The following VCP variants were observed in gnomAD, a reference collection of about 807,000 sequenced individuals.
The protein encoded by VCP is valosin containing protein.
A neutral mutation model predicts 85.7 loss-of-function variants in VCP; 6 were observed. The ratio of observed to expected loss-of-function variants is 0.07; its 90% CI spans 0.04 to 0.14. The LOEUF (loss-of-function observed/expected upper bound fraction) is 0.14, where lower values mean the gene tolerates loss of function less well. VCP is among the 10% of genes least tolerant of loss of function. The pLI, the probability that VCP is intolerant of heterozygous loss-of-function variation, is 1.00. For synonymous variants in VCP, 384 were observed against 367.1 expected (o/e 1.05, Z -0.53); for missense variants, 353 against 1,043.4 (o/e 0.34, Z 9.12).
chr9:35,068,128 G>A, intron 2 of VCP, 65 bp from the exon 3 acceptor site: 1 of 1,611,378 alleles, frequency 6.2e-7, no homozygotes. Flanking sequence ...CAGCCCTGGA[G>A]ATTGGGATTC....
intron 3 of VCP, 139 bp from the exon 4 acceptor site, chr9:35,066,956 G>T: frequency 1.5e-6 from 2 of 1,376,152 alleles, no homozygotes; most frequent in East Asian, 2.3e-5. Context: ...AGAGGAAGGA[G>T]AACAGGGTGG....
In VCP at chr9:35,060,646, TAGA is replaced by T. The variant is rs768235393; in HGVS notation, c.1483-124_1483-122del. The stretch of plus-strand genomic sequence containing the variant: ...CCAATGGTATCAGATCCAGGTTCTC[TAGA>T]AGAAGACTCCTTAGTGCCTCAAACC... On this transcript the variant is annotated intron_variant, in intron 12 of 16. Coordinates refer to ENST00000358901, the MANE Select transcript of VCP (RefSeq NM_007126.5). 242 of 1,525,774 alleles carry T rather than the reference TAGA, an allele frequency of 1.6e-4. 3 individuals are homozygous for T. The South Asian group carries it at 1.8e-3, about 12-fold the overall frequency. The allele number at this position is 1,525,774 out of a possible 1,614,324, so 94.5% of individuals were successfully genotyped here. A position where few individuals can be genotyped will look rare whatever the true frequency, so the allele number is the denominator to read the frequency against.
chr9:35,064,917 G>A (rs1380534511), intron 5 of VCP, among the ~76,000 whole-genome samples: 1 of 152,098 alleles, frequency 6.6e-6, no homozygotes, highest in Non-Finnish European at 1.5e-5. Context: ...ACCCAGGCTG[G>A]AGTGCAGTGG....
intron 7 of VCP, among the ~76,000 whole-genome samples, chr9:35,062,595 C>T (rs1028697388): frequency 6.6e-6 from 1 of 152,158 alleles, no homozygotes; most frequent in Non-Finnish European, 1.5e-5. Context: ...AGCAAATGCT[C>T]TAGGACCTCT....
chr9:35,065,150 C>G, intron 5 of VCP, 101 bp downstream of exon 5: 1 of 1,566,504 alleles, frequency 6.4e-7, no homozygotes, highest in Non-Finnish European at 8.7e-7. Context: ...TTACAGGTGT[C>G]AGCCACCGCA....
In VCP at chr9:35,060,268, T is replaced by C. The variant is rs376427063; in HGVS notation, c.1695+45A>G. ...TTAAAGAAAAACAGCCTCTATTCCT[T>C]GCCCTCAGGCAAATCAATACATAGT... On this transcript the variant is annotated intron_variant, in intron 13 of 16. Transcript: ENST00000358901. The C allele has an allele frequency of 2.2e-5, 36 of 1,601,660 alleles. No individual in the cohort carries two copies. The Middle Eastern group carries it at 1.2e-3, about 52-fold the overall frequency.
Position 35,057,111 on chromosome 9 carries a change from C to G in VCP, c.*6G>C. 1 of 1,613,978 alleles carries G rather than the reference C, an allele frequency of 6.2e-7. No individual in the cohort carries two copies. Among genetic ancestry groups the G allele is most frequent in the Non-Finnish European group, 8.5e-7 (1 of 1,179,968 alleles). On this transcript the variant is annotated 3_prime_UTR_variant, in exon 17 of 17. Coordinates refer to ENST00000358901, the MANE Select transcript of VCP (RefSeq NM_007126.5). Reference sequence around the variant, plus strand: ...GGCCAGCTCACTGCACGCTGGCCACCACCACTTAGCCATACAGGTCATCAT... The same window carrying G: ...GGCCAGCTCACTGCACGCTGGCCACGACCACTTAGCCATACAGGTCATCAT...
intron 7 of VCP, among the ~76,000 whole-genome samples, chr9:35,062,747 C>T (rs761952757): frequency 1.3e-5 from 2 of 152,140 alleles, no homozygotes; most frequent in African/African-American, 2.4e-5. Context: ...AGCTTGCTCC[C>T]GCTCTGCAGT....
intron 7 of VCP, among the ~76,000 whole-genome samples, chr9:35,062,566 G>A (rs576140588): frequency 2.0e-5 from 3 of 152,158 alleles, no homozygotes; most frequent in Non-Finnish European, 4.4e-5. Flanking sequence ...TCTTCTCACA[G>A]TTGAACTGTA....
chr9:35,066,873 G>C (rs1587129031), intron 3 of VCP, 56 bp from the exon 4 acceptor site: 2 of 1,612,794 alleles, frequency 1.2e-6, no homozygotes, highest in Non-Finnish European at 1.7e-6. Flanking sequence ...CCAAGCACTG[G>C]GTGTCCAAAA....
chr9:35,068,745 T>C (rs1243851455), intron 1 of VCP, among the ~76,000 whole-genome samples: 1 of 152,162 alleles, frequency 6.6e-6, no homozygotes, highest in African/African-American at 2.4e-5. Flanking sequence ...TCAGACCCAT[T>C]GGGTCTGAAT....
Position 35,056,698 on chromosome 9 carries a change from C to G in VCP, c.*419G>C. The G allele has an allele frequency of 3.9e-6, 1 of 256,700 alleles. No individual in the cohort carries two copies. The highest frequency in any genetic ancestry group is 4.8e-5 in the South Asian group (1 of 20,772). 15.9% of individuals were successfully genotyped at this position (256,700 alleles called of 1,614,324 possible). A position where few individuals can be genotyped will look rare whatever the true frequency, so the allele number is the denominator to read the frequency against. ...ACCTACTCTCTATATAAACATCCAG[C>G]AACTGTGGCCCCTACCCACCTACCC... On this transcript the variant is annotated 3_prime_UTR_variant, in exon 17 of 17. Coordinates refer to ENST00000358901, the MANE Select transcript of VCP (RefSeq NM_007126.5).
At chr9:35,057,745 A>C in intron 15 of VCP, 1 of 635,320 alleles carries the variant, frequency 1.6e-6, no homozygotes, top group Non-Finnish European at 2.8e-6. Context: ...CAGAAATCAC[A>C]TCAGTGATGG....
In VCP at chr9:35,062,130, G is replaced by A. The variant is rs377316335; in HGVS notation, c.954C>T (p.Gly318=). ...AIAPKREKTH[G]EVERRIVSQL... is the part of the protein sequence containing the mutation. ...GTGATACAATGCGCCGCTCCACCTC[G>A]CCATGAGTCTGCCAGAACAGGATGT... The change falls in exon 9 of 17, where the codon GGC becomes GGT. Residue 318 remains glycine (G), a synonymous_variant. Transcript: ENST00000358901. The A allele has an allele frequency of 4.4e-5, 71 of 1,613,972 alleles. No individual in the cohort carries two copies. In the African/African-American group the frequency reaches 6.1e-4, roughly 14 times the overall value.
rs1039785470 is a variant in VCP, at chr9:35,059,858, C to T, written c.1696-57G>A. The T allele has an allele frequency of 9.2e-5, 148 of 1,610,056 alleles. No individual in the cohort carries two copies. The highest frequency in any genetic ancestry group is 1.7e-4 in the Middle Eastern group (1 of 6,020). On this transcript the variant is annotated intron_variant, in intron 13 of 16. Coordinates refer to ENST00000358901, the MANE Select transcript of VCP (RefSeq NM_007126.5). The surrounding 1 kb of genome is among the most constrained non-coding windows in gnomAD (Gnocchi z 4.9). ...ACAAAACTAGATGTCTCTAGGCAAA[C>T]GTGGTGGCTCACACCTGTATTCCCA...
intron 1 of VCP, among the ~76,000 whole-genome samples, chr9:35,069,719 T>G (rs1045127769): frequency 3.9e-5 from 6 of 152,210 alleles, no homozygotes; most frequent in African/African-American, 1.4e-4. Flanking sequence ...CCCAAAGTAC[T>G]GGGATTACAG....
chr9:35,070,961 T>C (rs1378804479), intron 1 of VCP, among the ~76,000 whole-genome samples: 1 of 152,192 alleles, frequency 6.6e-6, no homozygotes, highest in East Asian at 1.9e-4. Flanking sequence ...AATCCTCCAT[T>C]GTCTTCTGTA....
chr9:35,071,991 C>A, intron 1 of VCP: 1 of 1,112,790 alleles, frequency 9.0e-7, no homozygotes, highest in Non-Finnish European at 1.1e-6. Context: ...GCCCCAAAGC[C>A]CCGGGGCGCC....
Position 35,067,969 on chromosome 9 carries a change from T to C in VCP, c.224A>G (p.Asp75Gly). 6.2e-7 allele frequency: 1 copy of C among 1,614,242 alleles called. No homozygotes were observed. The highest frequency in any genetic ancestry group is 8.5e-7 in the Non-Finnish European group (1 of 1,180,050). Residue 75 changes from aspartate to glycine, a missense_variant, in exon 3 of 17, where the codon GAT becomes GGT. By Grantham distance (94) the Asp-to-Gly change is moderately conservative. Coordinates refer to ENST00000358901, the MANE Select transcript of VCP (RefSeq NM_007126.5). ...REAVCIVLSDDTCSDEKIRMN... is the reference protein window; with the variant it reads ...REAVCIVLSDGTCSDEKIRMN... ...CCGAATCTTCTCATCAGAACAAGTA[T>C]CATCAGAAAGGACGATGCAAACAGC...
Sources: allele counts gnomAD v4.1 joint callset (sites outside exome capture counted in the v4.1 genomes callset), GRCh38; gene constraint gnomAD v4.1.1; non-coding constraint Gnocchi (gnomAD v3.1); transcripts MANE v1.5; gene names NCBI Gene and HGNC (gene_info 2026-07-23, HGNC 2026-07-21).